Variants in TCF12 observed in about 807,000 individuals in gnomAD.
TCF12 encodes the protein transcription factor 12.
TCF12 carries 45 observed loss-of-function variants against 86.0 expected under a neutral mutation model. The observed-to-expected ratio is 0.52, with a 90% CI of 0.41 to 0.67. The LOEUF (loss-of-function observed/expected upper bound fraction) is 0.67, where lower values mean the gene tolerates loss of function less well. Ranked by LOEUF, TCF12 falls within the 30% of genes least tolerant of loss-of-function variation. TCF12 has a pLI of 0.00. For synonymous variants in TCF12, 330 were observed against 299.6 expected (o/e 1.10, Z -1.05); for missense variants, 881 against 859.9 (o/e 1.02, Z -0.31).
At chr15:57,197,657 C>A in intron 7 of TCF12, 116 bp from the exon 8 acceptor site, 2 of 1,159,666 alleles carry the variant, frequency 1.7e-6, no homozygotes, top group Non-Finnish European at 2.5e-6. Flanking sequence ...TTGCTGCTTA[C>A]TCCCAAATAT....
intron 5 of TCF12, among the ~76,000 whole-genome samples, chr15:57,098,006 A>G (rs1411164772): frequency 1.5e-5 from 2 of 129,690 alleles, no homozygotes; most frequent in Non-Finnish European, 3.2e-5. Context: ...AAATACAAAA[A>G]TACAAAAAAA....
intron 3 of TCF12, among the ~76,000 whole-genome samples, chr15:56,937,423 C>A (rs1437719723): frequency 6.6e-6 from 1 of 151,004 alleles, no homozygotes; most frequent in Non-Finnish European, 1.5e-5. Context: ...GTGGCGTGAT[C>A]TTGGCTCACT....
chr15:57,125,784 A>G (rs938378891), intron 5 of TCF12, among the ~76,000 whole-genome samples: 1 of 152,224 alleles, frequency 6.6e-6, no homozygotes, highest in Admixed American at 6.5e-5. Flanking sequence ...AGTAAAAGGC[A>G]TACACTCTTG....
chr15:57,051,809 G>C (rs2067640973), intron 3 of TCF12, among the ~76,000 whole-genome samples: 1 of 152,130 alleles, frequency 6.6e-6, no homozygotes, highest in Non-Finnish European at 1.5e-5. Flanking sequence ...ATTTTCAGTT[G>C]AATTTTTCAT....
intron 3 of TCF12, among the ~76,000 whole-genome samples, chr15:57,060,163 A>G (rs1422465899): frequency 6.6e-6 from 1 of 152,186 alleles, no homozygotes. Flanking sequence ...CTGCCTGTAT[A>G]TATAGTAATT....
chr15:57,111,682 A>C, intron 5 of TCF12, among the ~76,000 whole-genome samples: 1 of 145,286 alleles, frequency 6.9e-6, no homozygotes, highest in East Asian at 2.0e-4. Context: ...ACCTCTGCCT[A>C]CCGGGCTCAA....
At chr15:56,952,743 A>G (rs748262834) in intron 3 of TCF12, among the ~76,000 whole-genome samples, 4 of 152,190 alleles carry the variant, frequency 2.6e-5, no homozygotes, top group Non-Finnish European at 4.4e-5. Flanking sequence ...TAAACTCACT[A>G]ATTCTGGTAC....
rs530738914 is a variant in TCF12, at chr15:56,962,603, C to G, written c.148+41505C>G. On this transcript the variant is annotated intron_variant, in intron 3 of 20. Coordinates refer to ENST00000333725, the MANE Select transcript of TCF12 (RefSeq NM_207037.2). ...CAAATCAACAAAAAGCGAACCCAGA[C>G]CACCACAGTTCAAATAAGAGAAAAT... Among the ~76,000 whole-genome samples the G allele has an allele frequency of 2.6e-5, 4 of 152,234 alleles. No individual in the cohort carries two copies. The East Asian group carries it at 5.8e-4, about 22-fold the overall frequency.
chr15:56,953,995 C>T (rs1362973226), intron 3 of TCF12, among the ~76,000 whole-genome samples: 1 of 150,796 alleles, frequency 6.6e-6, no homozygotes. Context: ...GTTTGAGGTA[C>T]ATTATGAGGT....
intron 8 of TCF12, among the ~76,000 whole-genome samples, chr15:57,199,728 A>G (rs763998990): frequency 3.3e-5 from 5 of 152,164 alleles, no homozygotes; most frequent in African/African-American, 4.8e-5. Context: ...CCATTAGGAA[A>G]TTTTGCAGGC....
chr15:57,277,888 T>C (rs1241700198), intron 19 of TCF12, among the ~76,000 whole-genome samples: 11 of 151,764 alleles, frequency 7.2e-5, no homozygotes, highest in African/African-American at 2.7e-4. Flanking sequence ...TGCAGTGAGC[T>C]ATGGTTGTAG....
chr15:57,010,390 A>G (rs1391225662), intron 3 of TCF12, among the ~76,000 whole-genome samples: 1 of 152,214 alleles, frequency 6.6e-6, no homozygotes, highest in African/African-American at 2.4e-5. Flanking sequence ...GAAAACAAAA[A>G]TAAACAAGAC....
intron 4 of TCF12, chr15:57,072,825 G>A (rs1271054044): frequency 4.3e-6 from 3 of 702,496 alleles, no homozygotes; most frequent in African/African-American, 1.9e-5. Flanking sequence ...AAGAAAAAGG[G>A]TGTGTTTTAA....
At chr15:57,160,779 A>G (rs1255340995) in intron 5 of TCF12, among the ~76,000 whole-genome samples, 2 of 151,996 alleles carry the variant, frequency 1.3e-5, no homozygotes, top group Non-Finnish European at 2.9e-5. Flanking sequence ...TGCGGCCTCA[A>G]ACTCCCAGGT....
intron 10 of TCF12, 110 bp from the exon 11 acceptor site, chr15:57,232,602 C>T: frequency 1.4e-6 from 2 of 1,447,540 alleles, no homozygotes; most frequent in Non-Finnish European, 1.9e-6. Context: ...AAGTAGTGCT[C>T]TTTAGCTGTA....
At chr15:57,139,150 T>C (rs1158048711) in intron 5 of TCF12, among the ~76,000 whole-genome samples, 4 of 152,154 alleles carry the variant, frequency 2.6e-5, no homozygotes, top group African/African-American at 9.6e-5. Flanking sequence ...CTCTCCCTTC[T>C]CACCTCTCCT....
At chr15:56,938,861 C>T (rs2060602215) in intron 3 of TCF12, among the ~76,000 whole-genome samples, 1 of 152,136 alleles carries the variant, frequency 6.6e-6, no homozygotes, top group Non-Finnish European at 1.5e-5. Context: ...ATTTCATACA[C>T]TTAAAACCTC....
At chr15:56,945,234 T>C (rs2060943229) in intron 3 of TCF12, among the ~76,000 whole-genome samples, 1 of 152,194 alleles carries the variant, frequency 6.6e-6, no homozygotes, top group African/African-American at 2.4e-5. Flanking sequence ...AGATATGTAG[T>C]CATGTTTCTT....
intron 8 of TCF12, among the ~76,000 whole-genome samples, chr15:57,229,180 G>A (rs1271939731): frequency 6.6e-6 from 1 of 151,946 alleles, no homozygotes; most frequent in East Asian, 1.9e-4. Flanking sequence ...TTTAGAAGAT[G>A]AAACTTGATT....
Sources: allele counts gnomAD v4.1 joint callset (sites outside exome capture counted in the v4.1 genomes callset), GRCh38; gene constraint gnomAD v4.1.1; transcripts MANE v1.5; gene names NCBI Gene and HGNC (gene_info 2026-07-23, HGNC 2026-07-21).